SLIT2: variants seen among roughly 807,000 people sequenced by gnomAD.
SLIT2 encodes the protein slit guidance ligand 2.
A neutral mutation model predicts 185.7 loss-of-function variants in SLIT2; 41 were observed. That is an observed-to-expected ratio of 0.22 (90% confidence interval 0.17 to 0.29). The LOEUF is 0.29. Ranked by LOEUF, SLIT2 falls within the 10% of genes least tolerant of loss-of-function variation. SLIT2 has a pLI of 1.00. For missense variants in SLIT2, 1,571 were observed against 1,909.0 expected (o/e 0.82, Z 3.30); for synonymous variants, 693 against 680.2 (o/e 1.02, Z -0.29).
At chr4:20,613,090 T>G (rs1312109384) in intron 34 of SLIT2, among the ~76,000 whole-genome samples, 2 of 152,118 alleles carry the variant, frequency 1.3e-5, no homozygotes, top group East Asian at 3.9e-4. Flanking sequence ...TGGAAAACAG[T>G]GTGGCGATTC....
intron 4 of SLIT2, among the ~76,000 whole-genome samples, chr4:20,291,470 ATATATATATATATATATATATATTTTTTT>A (rs1194773861): frequency 1.4e-3 from 16 of 11,284 alleles, no homozygotes; most frequent in South Asian, 0.012. Context: ...ATATATATAT[ATATATATATATATATATATATATTTTTTT>A]TTTTTTTTTT....
At chr4:20,599,221 G>A (rs1012538692) in intron 33 of SLIT2, among the ~76,000 whole-genome samples, 12 of 152,240 alleles carry the variant, frequency 7.9e-5, no homozygotes, top group East Asian at 7.7e-4. Context: ...TACTGGAGAC[G>A]TGAAATGGGT....
intron 19 of SLIT2, among the ~76,000 whole-genome samples, chr4:20,540,334 A>C (rs1722696876): frequency 1.3e-5 from 2 of 151,964 alleles, no homozygotes; most frequent in African/African-American, 4.8e-5. Flanking sequence ...TAGATATATT[A>C]GGATGACCAG....
In SLIT2 at chr4:20,529,056, C is replaced by T; in HGVS notation, c.1570C>T (p.Leu524Phe). The change falls in exon 16 of 37, where the codon CTC becomes TTC. Residue 524 changes from leucine (L) to phenylalanine (F), a missense_variant. By Grantham distance (22) the Leu-to-Phe change is conservative. Coordinates refer to ENST00000504154, the MANE Select transcript of SLIT2 (RefSeq NM_004787.4). ...GTTVDCSNQK[L>F]NKIPEHIPQY... ...CACAGTAGATTGCTCTAATCAAAAG[C>T]TCAACAAAATCCCGGAGCACATTCC... The T allele has an allele frequency of 6.2e-7, 1 of 1,613,842 alleles. No homozygotes were observed. The highest frequency in any genetic ancestry group is 8.5e-7 in the Non-Finnish European group (1 of 1,179,840).
At chr4:20,424,752 G>GC (rs1486854757) in intron 4 of SLIT2, among the ~76,000 whole-genome samples, 1 of 151,900 alleles carries the variant, frequency 6.6e-6, no homozygotes, top group African/African-American at 2.4e-5. Context: ...TCTGTGAGAG[G>GC]CCCCCCTGCT....
intron 4 of SLIT2, among the ~76,000 whole-genome samples, chr4:20,464,234 T>G (rs2148736071): frequency 6.6e-6 from 1 of 152,286 alleles, no homozygotes; most frequent in Admixed American, 6.5e-5. Flanking sequence ...TTCAATAAAC[T>G]AAATTTGAAC....
At chr4:20,430,986 CT>C (rs1728931106) in intron 4 of SLIT2, among the ~76,000 whole-genome samples, 1 of 152,324 alleles carries the variant, frequency 6.6e-6, no homozygotes, top group Admixed American at 6.5e-5. Flanking sequence ...TCTTAACAGA[CT>C]GTTTGGTTGC....
intron 5 of SLIT2, among the ~76,000 whole-genome samples, chr4:20,478,985 C>T (rs1716413908): frequency 6.6e-6 from 1 of 152,126 alleles, no homozygotes; most frequent in East Asian, 1.9e-4. Flanking sequence ...AATACTTCTG[C>T]ATTATGTCTT....
intron 31 of SLIT2, among the ~76,000 whole-genome samples, chr4:20,596,171 A>C (rs781278465): frequency 7.9e-5 from 12 of 152,190 alleles, no homozygotes; most frequent in Non-Finnish European, 1.6e-4. Flanking sequence ...AGGAGGACAG[A>C]GGGATGGTGT....
At chr4:20,257,233 T>G (rs1711945500) in intron 2 of SLIT2, among the ~76,000 whole-genome samples, 1 of 152,106 alleles carries the variant, frequency 6.6e-6, no homozygotes, top group Non-Finnish European at 1.5e-5. Flanking sequence ...TTTTGAGTTT[T>G]TATATTTTGT....
chr4:20,309,947 G>C (rs1717937360), intron 4 of SLIT2, among the ~76,000 whole-genome samples: 1 of 151,786 alleles, frequency 6.6e-6, no homozygotes, highest in Non-Finnish European at 1.5e-5. Context: ...TTTTTTAGTA[G>C]AGACGGGGCT....
chr4:20,558,546 T>C (rs1724447937), intron 26 of SLIT2, among the ~76,000 whole-genome samples: 4 of 152,112 alleles, frequency 2.6e-5, no homozygotes, highest in Admixed American at 2.6e-4. Flanking sequence ...CCAAAAAATT[T>C]GTTTGACTGT....
At chr4:20,384,085 C>T (rs1161928332) in intron 4 of SLIT2, among the ~76,000 whole-genome samples, 1 of 123,322 alleles carries the variant, frequency 8.1e-6, no homozygotes, top group Non-Finnish European at 1.8e-5. Context: ...ATATTCAGAG[C>T]AGCTTTTTTT....
chr4:20,523,728 C>A (rs769040424), intron 12 of SLIT2, 32 bp from the exon 13 acceptor site: 2 of 1,602,250 alleles, frequency 1.2e-6, no homozygotes, highest in Non-Finnish European at 1.7e-6. Context: ...TAAGATGCTA[C>A]ACTTTAATTC....
intron 4 of SLIT2, among the ~76,000 whole-genome samples, chr4:20,342,525 C>G (rs1721039921): frequency 6.6e-6 from 1 of 151,906 alleles, no homozygotes; most frequent in Non-Finnish European, 1.5e-5. Flanking sequence ...CTAAATCTGA[C>G]TTTTATATCA....
chr4:20,304,072 G>T (rs1437634662), intron 4 of SLIT2, among the ~76,000 whole-genome samples: 1 of 152,184 alleles, frequency 6.6e-6, no homozygotes, highest in Admixed American at 6.5e-5. Context: ...TGAGGGCCTA[G>T]AGGCTTATGT....
chr4:20,491,153 AT>A (rs758323792), intron 8 of SLIT2, among the ~76,000 whole-genome samples: 4 of 152,302 alleles, frequency 2.6e-5, no homozygotes, highest in South Asian at 4.1e-4. Context: ...CAAAAGAATA[AT>A]TTTTTATTAA....
chr4:20,610,188 A>C, intron 34 of SLIT2, 21 bp downstream of exon 34: 1 of 1,604,184 alleles, frequency 6.2e-7, no homozygotes, highest in East Asian at 2.2e-5. Flanking sequence ...TTCCAAATTC[A>C]GGTGGTCCTG....
intron 9 of SLIT2, among the ~76,000 whole-genome samples, chr4:20,492,912 T>C (rs912989329): frequency 6.6e-6 from 1 of 152,206 alleles, no homozygotes; most frequent in Non-Finnish European, 1.5e-5. Flanking sequence ...TGCTTAATAA[T>C]GTGCTTAGAG....
Sources: gnomAD v4.1 joint callset for allele counts (sites outside exome capture counted in the v4.1 genomes callset) on GRCh38, gnomAD v4.1.1 for gene constraint, MANE v1.5 for transcripts, NCBI Gene and HGNC (gene_info 2026-07-23, HGNC 2026-07-21) for gene names.